Variants in FKBP5 observed in about 807,000 individuals in gnomAD.
FKBP5 encodes the protein FKBP prolyl isomerase 5.
A neutral mutation model predicts 50.5 loss-of-function variants in FKBP5; 23 were observed. That is an observed-to-expected ratio of 0.46 (90% CI 0.33 to 0.65). The LOEUF is 0.65. Ranked by LOEUF, FKBP5 falls within the 30% of genes least tolerant of loss-of-function variation. The pLI is 0.02. For missense variants in FKBP5, 411 were observed against 553.1 expected, an observed-to-expected ratio of 0.74 and a Z score of 2.58; for synonymous variants, 176 against 190.6, an observed-to-expected ratio of 0.92 and a Z score of 0.63.
At position 35,642,693 on chromosome 6, in the gene FKBP5, G is replaced by A. The variant is rs75950706; in HGVS notation, c.105+27C>T. Reference sequence around the variant, plus strand: ...ATCTTTCCAGACAGCAGGTTTCCTTGTATGTCACTCAGCTTTGTGGCCTCA... The same window carrying A: ...ATCTTTCCAGACAGCAGGTTTCCTTATATGTCACTCAGCTTTGTGGCCTCA... On this transcript the variant is annotated intron_variant, in intron 2 of 10. Transcript: ENST00000357266. The A allele has an allele frequency of 1.8e-3, 2,764 of 1,565,158 alleles. 7 individuals are homozygous for A. Among genetic ancestry groups the A allele is most frequent in the African/African-American group, 0.012 (894 of 73,782 alleles).
At chr6:35,693,558 C>T (rs937592753), upstream of FKBP5, among the ~76,000 whole-genome samples, 8 of 145,480 alleles carry the variant, frequency 5.5e-5, no homozygotes, top group Non-Finnish European at 7.6e-5. Context: ...CTTGCTCTGT[C>T]GCCCAGGCTG....
intron 3 of FKBP5, among the ~76,000 whole-genome samples, chr6:35,625,924 C>A (rs142655254): frequency 4.6e-5 from 7 of 151,530 alleles, no homozygotes; most frequent in Admixed American, 1.3e-4. Flanking sequence ...GGACTACAGG[C>A]GCTAGCCACC....
intron 5 of FKBP5, among the ~76,000 whole-genome samples, chr6:35,597,809 G>T (rs1211410986): frequency 6.6e-6 from 1 of 152,174 alleles, no homozygotes; most frequent in Non-Finnish European, 1.5e-5. Flanking sequence ...CTTGGCTTCA[G>T]ATGCTTGGGC....
rs774393027 is a variant in FKBP5, at chr6:35,698,203, G to A, written c.-20+22125C>T. Among the ~76,000 whole-genome samples the A allele has an allele frequency of 1.9e-4, 29 of 152,220 alleles. No homozygotes were observed. The Middle Eastern group carries it at 0.01, about 54-fold the overall frequency. On this transcript the variant is annotated intron_variant, in intron 2 of 11. Transcript: ENST00000536438. ...ATTAAAAATACAAAATTAGCCAGGC[G>A]TGGTGCCGCATGCCTGTAATCCCAG...
intron 7 of FKBP5, among the ~76,000 whole-genome samples, chr6:35,588,032 A>AT (rs1005583768): frequency 1.6e-4 from 23 of 144,234 alleles, no homozygotes; most frequent in Non-Finnish European, 2.7e-4. Flanking sequence ...TATTATTATT[A>AT]TTTTTTTTTT....
At chr6:35,584,095 A>G (rs1359843488) in intron 8 of FKBP5, 1 of 985,338 alleles carries the variant, frequency 1.0e-6, no homozygotes, top group African/African-American at 1.7e-5. Context: ...GGTGTGAGTT[A>G]ATGCTCCTGT....
chr6:35,598,699 G>A (rs988586890), intron 5 of FKBP5, among the ~76,000 whole-genome samples: 3 of 152,054 alleles, frequency 2.0e-5, no homozygotes, highest in Non-Finnish European at 2.9e-5. Flanking sequence ...CTGACTGGGC[G>A]CGGTGCTCAC....
At chr6:35,641,888 C>T (rs867061674) in intron 2 of FKBP5, among the ~76,000 whole-genome samples, 19 of 151,794 alleles carry the variant, frequency 1.3e-4, no homozygotes, top group Middle Eastern at 6.8e-3. Flanking sequence ...CCCAGCTACT[C>T]GGGAGGCTGA....
chr6:35,604,525 T>C (rs556442442), intron 5 of FKBP5, among the ~76,000 whole-genome samples: 2 of 152,292 alleles, frequency 1.3e-5, no homozygotes, highest in East Asian at 3.9e-4. Context: ...CATTCATAAA[T>C]ACTTCAAAAG....
intron 2 of FKBP5, among the ~76,000 whole-genome samples, chr6:35,640,956 A>C (rs1388168621): frequency 6.6e-6 from 1 of 151,986 alleles, no homozygotes; most frequent in African/African-American, 2.4e-5. Flanking sequence ...ATACCTCCTG[A>C]GGGACCTGCC....
At chr6:35,646,354 AT>A (rs1764630276) in intron 1 of FKBP5, among the ~76,000 whole-genome samples, 1 of 152,240 alleles carries the variant, frequency 6.6e-6, no homozygotes, top group Non-Finnish European at 1.5e-5. Context: ...CTGAGTCCAT[AT>A]GAAGAGAAGT....
intron 8 of FKBP5, chr6:35,586,245 A>G: frequency 1.0e-6 from 1 of 985,150 alleles, no homozygotes; most frequent in Non-Finnish European, 1.2e-6. Flanking sequence ...GAGGTTTAAG[A>G]TCTAAGTGAG....
At chr6:35,586,858 T>C in intron 8 of FKBP5, 176 bp downstream of exon 8, 1 of 1,450,230 alleles carries the variant, frequency 6.9e-7, no homozygotes, top group Non-Finnish European at 9.1e-7. Context: ...TTTTTTTTTT[T>C]TCCACATGAT....
upstream of FKBP5, among the ~76,000 whole-genome samples, chr6:35,692,574 G>A (rs1270701980): frequency 2.0e-5 from 3 of 152,046 alleles, no homozygotes; most frequent in Non-Finnish European, 4.4e-5. Context: ...TGAGGTGGGC[G>A]GATCACCTGA....
intron 5 of FKBP5, among the ~76,000 whole-genome samples, chr6:35,610,858 G>A (rs1763471384): frequency 6.6e-6 from 1 of 152,104 alleles, no homozygotes; most frequent in Non-Finnish European, 1.5e-5. Context: ...TGAGATGTGA[G>A]ATTCTTATTT....
intron 3 of FKBP5, among the ~76,000 whole-genome samples, chr6:35,627,904 G>A (rs992379153): frequency 6.6e-6 from 1 of 150,410 alleles, no homozygotes; most frequent in Non-Finnish European, 1.5e-5. Flanking sequence ...TGGGATTATA[G>A]GCATGCGCCA....
chr6:35,721,464 T>C (rs536623944), intron 1 of FKBP5, among the ~76,000 whole-genome samples: 2 of 147,448 alleles, frequency 1.4e-5, no homozygotes, highest in Non-Finnish European at 3.0e-5. Context: ...AAATAGTGGC[T>C]TTTTTTTTTA....
intron 8 of FKBP5, chr6:35,581,121 G>C (rs1762414311): frequency 1.0e-6 from 1 of 968,288 alleles, no homozygotes; most frequent in African/African-American, 1.8e-5. Context: ...ACCAGATTTG[G>C]CCAGCAAACT....
upstream of FKBP5, among the ~76,000 whole-genome samples, chr6:35,691,837 G>T (rs549950134): frequency 6.6e-6 from 1 of 152,246 alleles, no homozygotes; most frequent in South Asian, 2.1e-4. Context: ...TTCTTTGCAG[G>T]GTCTGTACCT....
Sources: allele counts gnomAD v4.1 joint callset (sites outside exome capture counted in the v4.1 genomes callset), GRCh38; gene constraint gnomAD v4.1.1; transcripts MANE v1.5; gene names NCBI Gene and HGNC (gene_info 2026-07-23, HGNC 2026-07-21).